Variants in TAFA4 observed in about 807,000 individuals in gnomAD.
TAFA4 encodes the protein chemokine-like protein TAFA-4.
In TAFA4, 20 loss-of-function variants were observed where a neutral mutation model predicts 21.1. The ratio of observed to expected loss-of-function variants is 0.95; its 90% CI spans 0.67 to 1.38. The LOEUF is 1.38. Ranked by LOEUF, TAFA4 falls within the 40% of genes most tolerant of loss-of-function variation. The pLI, the probability that TAFA4 is intolerant of heterozygous loss-of-function variation, is 0.00. For missense variants in TAFA4, 211 were observed against 180.9 expected (o/e 1.17, Z -0.95); for synonymous variants, 71 against 67.4 (o/e 1.05, Z -0.26).
rs78824507 is a variant in TAFA4 at position 68,889,804 on chromosome 3, G to C, written c.-122-4494C>G. On this transcript the variant is annotated intron_variant, in intron 1 of 5. Coordinates refer to ENST00000295569, the MANE Select transcript of TAFA4 (RefSeq NM_182522.5). Reference sequence around the variant, plus strand: ...ACAAAAAAAATTAAAATAACCATGAGAATTGTCTCAAATAAAGGCAAGAAA... The same window carrying C: ...ACAAAAAAAATTAAAATAACCATGACAATTGTCTCAAATAAAGGCAAGAAA... Among the ~76,000 whole-genome samples the C allele has an allele frequency of 1.5e-3, 232 of 152,236 alleles. 5 individuals are homozygous for C. In the East Asian group the frequency reaches 0.036, roughly 24 times the overall value.
At chr3:68,818,504 G>A (rs781336626) in intron 3 of TAFA4, among the ~76,000 whole-genome samples, 16 of 152,178 alleles carry the variant, frequency 1.1e-4, no homozygotes, top group South Asian at 2.1e-4. Context: ...ATATCCCAGC[G>A]TATTTCAAAA....
intron 3 of TAFA4, among the ~76,000 whole-genome samples, chr3:68,795,760 T>C (rs1163260275): frequency 6.6e-6 from 1 of 152,188 alleles, no homozygotes; most frequent in East Asian, 1.9e-4. Flanking sequence ...ATGGTGTTGG[T>C]GCTTGCGGAT....
chr3:68,852,476 T>G (rs573180657), intron 3 of TAFA4, among the ~76,000 whole-genome samples: 1 of 152,260 alleles, frequency 6.6e-6, no homozygotes, highest in East Asian at 1.9e-4. Context: ...GCGAGGCTCC[T>G]TGGCTGCAAA....
chr3:68,873,110 G>T (rs1267797859), intron 3 of TAFA4, among the ~76,000 whole-genome samples: 1 of 151,750 alleles, frequency 6.6e-6, no homozygotes, highest in African/African-American at 2.4e-5. Context: ...TCAAACTTAG[G>T]TCTCAGTGAC....
intron 3 of TAFA4, among the ~76,000 whole-genome samples, chr3:68,792,395 C>T (rs1202125673): frequency 2.0e-5 from 3 of 152,096 alleles, no homozygotes; most frequent in African/African-American, 4.8e-5. Context: ...ATGTCTCAAA[C>T]TTGGAGGGAC....
intron 3 of TAFA4, among the ~76,000 whole-genome samples, chr3:68,876,470 T>C (rs4855534): frequency 0.026 from 4,013 of 152,336 alleles, 123 homozygotes; most frequent in East Asian, 0.12. Flanking sequence ...GAGAGACTCC[T>C]GTAGTAGATG....
At chr3:68,799,734 C>G (rs1483585654) in intron 3 of TAFA4, among the ~76,000 whole-genome samples, 2 of 109,190 alleles carry the variant, frequency 1.8e-5, no homozygotes, top group East Asian at 5.2e-4. Flanking sequence ...CCTCTAGAAC[C>G]TGAAAGGGGC....
intron 1 of TAFA4, among the ~76,000 whole-genome samples, chr3:68,908,571 T>C (rs1178518015): frequency 1.3e-5 from 2 of 149,720 alleles, no homozygotes; most frequent in African/African-American, 4.9e-5. Flanking sequence ...GAAAGTAAGA[T>C]GGAATTCTCC....
chr3:68,832,437 C>A (rs1255536311), intron 3 of TAFA4, among the ~76,000 whole-genome samples: 5 of 152,140 alleles, frequency 3.3e-5, no homozygotes, highest in Non-Finnish European at 7.3e-5. Flanking sequence ...AAGAGAGAAG[C>A]CCCTCAACTG....
chr3:68,854,406 T>C (rs1705020675), intron 3 of TAFA4, among the ~76,000 whole-genome samples: 1 of 152,008 alleles, frequency 6.6e-6, no homozygotes, highest in Non-Finnish European at 1.5e-5. Context: ...CACTAGAGGA[T>C]TGCAAGCAGG....
chr3:68,838,926 G>A (rs755896824), intron 3 of TAFA4, among the ~76,000 whole-genome samples: 11 of 152,056 alleles, frequency 7.2e-5, no homozygotes, highest in South Asian at 4.2e-4. Context: ...GTGAAACCCC[G>A]TCTCCACAAA....
chr3:68,760,131 A>G (rs1702733854), intron 3 of TAFA4, among the ~76,000 whole-genome samples: 1 of 152,172 alleles, frequency 6.6e-6, no homozygotes, highest in South Asian at 2.1e-4. Context: ...TTCCTCATTC[A>G]CCAGAATAGT....
intron 5 of TAFA4, among the ~76,000 whole-genome samples, chr3:68,738,390 T>C (rs1702282424): frequency 6.6e-6 from 1 of 152,202 alleles, no homozygotes; most frequent in Non-Finnish European, 1.5e-5. Flanking sequence ...ATGTGCATTT[T>C]ACAAAATTAT....
intron 1 of TAFA4, chr3:68,916,264 T>C (rs932362451): frequency 6.6e-6 from 1 of 152,246 alleles, no homozygotes; most frequent in Non-Finnish European, 1.5e-5. Flanking sequence ...TGAGAATAAG[T>C]TGTAACTCAC....
At chr3:68,840,412 T>C (rs1247092540) in intron 3 of TAFA4, among the ~76,000 whole-genome samples, 1 of 152,156 alleles carries the variant, frequency 6.6e-6, no homozygotes, top group Middle Eastern at 3.2e-3. Flanking sequence ...GAGATACATT[T>C]CACCATGTTG....
At chr3:68,744,352 G>A (rs1037151636) in intron 4 of TAFA4, among the ~76,000 whole-genome samples, 2 of 152,162 alleles carry the variant, frequency 1.3e-5, no homozygotes, top group Admixed American at 6.5e-5. Flanking sequence ...AGGGGCTCTC[G>A]AGGAAAATTC....
intron 3 of TAFA4, among the ~76,000 whole-genome samples, chr3:68,872,097 C>T (rs753319292): frequency 1.2e-4 from 19 of 152,130 alleles, no homozygotes; most frequent in Non-Finnish European, 2.6e-4. Context: ...GATAACTATA[C>T]TCCCATGTTT....
intron 4 of TAFA4, among the ~76,000 whole-genome samples, chr3:68,749,105 T>C (rs1056716030): frequency 2.0e-5 from 3 of 152,202 alleles, no homozygotes; most frequent in African/African-American, 2.4e-5. Context: ...CCCTGTCCCG[T>C]CTCCCAAATC....
At chr3:68,805,100 T>G (rs1402201111) in intron 3 of TAFA4, among the ~76,000 whole-genome samples, 3 of 151,820 alleles carry the variant, frequency 2.0e-5, no homozygotes, top group Admixed American at 6.6e-5. Context: ...CTCAAACAAA[T>G]TTACAGGAAA....
Sources: allele counts gnomAD v4.1 joint callset (sites outside exome capture counted in the v4.1 genomes callset), GRCh38; gene constraint gnomAD v4.1.1; transcripts MANE v1.5; gene names NCBI Gene and HGNC (gene_info 2026-07-23, HGNC 2026-07-21).